LILRB1: variants seen among roughly 807,000 people sequenced by gnomAD.
LILRB1 encodes leukocyte immunoglobulin-like receptor subfamily B member 1.
Under a neutral mutation model 74.6 loss-of-function variants are expected in LILRB1, and 59 were observed. The observed-to-expected ratio is 0.79, with a 90% confidence interval of 0.64 to 0.98. LILRB1 has a LOEUF of 0.98. Among genes scored for constraint, LILRB1 ranks in the 50% least tolerant of loss-of-function variants. LILRB1 has a pLI of 0.00. For missense variants in LILRB1, 804 were observed against 822.6 expected (o/e 0.98, Z 0.28); for synonymous variants, 328 against 333.9 (o/e 0.98, Z 0.19).
chr19:54,618,162 G>GA (rs34568782), intron 1 of LILRB1, among the ~76,000 whole-genome samples: 4 of 148,974 alleles, frequency 2.7e-5, no homozygotes, highest in African/African-American at 7.4e-5. Context: ...GTTTGAGATA[G>GA]AAAAAAAAGA....
chr19:54,633,458 G>A, intron 7 of LILRB1, 140 bp downstream of exon 7: 1 of 1,312,132 alleles, frequency 7.6e-7, no homozygotes, highest in Non-Finnish European at 1.0e-6. Flanking sequence ...GAGGGAAGGA[G>A]GAGAACAGGG....
chr19:54,625,053 A>G (rs140667733), intron 1 of LILRB1, among the ~76,000 whole-genome samples: 24,622 of 122,756 alleles, frequency 0.2, 3,106 homozygotes, highest in Middle Eastern at 0.32. Context: ...GGGACACGTG[A>G]AAGTGCCAGG....
rs563817825 is a variant in LILRB1 at position 54,630,564 on chromosome 19, T to C, written c.-118T>C. 3 of 622,898 alleles carry C rather than the reference T, an allele frequency of 4.8e-6. No individual in the cohort carries two copies. Among genetic ancestry groups the C allele is most frequent in the Admixed American group, 2.2e-5 (1 of 44,826 alleles). 38.6% of individuals were successfully genotyped at this position (622,898 alleles called of 1,614,324 possible). A position where few individuals can be genotyped will look rare whatever the true frequency, so the allele number is the denominator to read the frequency against. On this transcript the variant is annotated 5_prime_UTR_variant, in exon 1 of 15. The change abolishes the stop of an existing upstream ORF in the 5' untranslated region. Transcript: ENST00000324602. ...GATGCGAGATGCGTCTCTGCTGATC[T>C]GAGTCTGCCTGCAGCATGGACCTGG...
At position 54,637,628 on chromosome 19, in the gene LILRB1, A is replaced by G. The variant is rs890430864; in HGVS notation, c.*750A>G. 6.6e-6 allele frequency: 1 copy of G among 152,204 alleles called. No homozygotes were observed. Among genetic ancestry groups the G allele is most frequent in the African/African-American group, 2.4e-5 (1 of 41,458 alleles). The allele number at this position is 152,204 out of a possible 1,614,324, so 9.4% of individuals were successfully genotyped here. A position where few individuals can be genotyped will look rare whatever the true frequency, so the allele number is the denominator to read the frequency against. On this transcript the variant is annotated 3_prime_UTR_variant, in exon 15 of 15. Transcript: ENST00000324602. ...CGTAAGAAAGGGAATAATAACAATA[A>G]TAAGAGGAGTTGTTCATGAGGAAAA...
chr19:54,617,664 T>G (rs2063345677), intron 1 of LILRB1, among the ~76,000 whole-genome samples: 1 of 152,022 alleles, frequency 6.6e-6, no homozygotes, highest in African/African-American at 2.4e-5. Flanking sequence ...CCCATTTTAA[T>G]TTCCCTCTAA....
chr19:54,618,927 A>G (rs964771775), intron 1 of LILRB1, among the ~76,000 whole-genome samples: 10 of 152,192 alleles, frequency 6.6e-5, no homozygotes, highest in African/African-American at 2.2e-4. Flanking sequence ...ATAAATGCCT[A>G]TAAACAAACT....
intron 12 of LILRB1, 111 bp downstream of exon 12, chr19:54,635,407 T>C (rs2146293737): frequency 6.5e-7 from 1 of 1,532,558 alleles, no homozygotes; most frequent in Middle Eastern, 1.9e-4. Context: ...CAGGGTGAGA[T>C]CATCTCACCC....
chr19:54,628,003 A>G (rs73614629), upstream of LILRB1, among the ~76,000 whole-genome samples: 1,026 of 152,338 alleles, frequency 6.7e-3, 9 homozygotes, highest in African/African-American at 0.023. Flanking sequence ...TACACAAAAC[A>G]AAAGAGACAG....
chr19:54,635,318 C>T (rs774938785), intron 12 of LILRB1, 22 bp downstream of exon 12: 1 of 1,612,862 alleles, frequency 6.2e-7, no homozygotes, highest in South Asian at 1.1e-5. Context: ...GAAGAGGTGA[C>T]CAGCCAGGAG....
In LILRB1 at chr19:54,632,523, A is replaced by T; in HGVS notation, c.721A>T (p.Thr241Ser). ...QPGPIVAPEE[T>S]LTLQCGSDAG... ...AGGTCCTATCGTGGCCCCTGAGGAG[A>T]CCCTGACTCTGCAGTGTGGCTCTGA... is the stretch of plus-strand genomic sequence containing the variant. Residue 241 changes from threonine to serine, a missense_variant, in exon 6 of 15, where the codon ACC (threonine) becomes TCC (serine). Physicochemically the swap from Thr to Ser is moderately conservative, Grantham distance 58 (BLOSUM62 1). Transcript: ENST00000324602. 6.2e-7 allele frequency: 1 copy of T among 1,613,908 alleles called. No individual in the cohort carries two copies. The highest frequency in any genetic ancestry group is 8.5e-7 in the Non-Finnish European group (1 of 1,179,944).
rs559300437 is a variant in LILRB1, at chr19:54,635,706, C to T, written c.1653+97C>T. 1.5e-4 allele frequency: 205 copies of T among 1,384,630 alleles called. No homozygotes were observed. The East Asian group carries it at 2.3e-3, about 16-fold the overall frequency. 85.8% of individuals were successfully genotyped at this position (1,384,630 alleles called of 1,614,324 possible). A position where few individuals can be genotyped will look rare whatever the true frequency, so the allele number is the denominator to read the frequency against. On this transcript the variant is annotated intron_variant, in intron 13 of 14. Transcript: ENST00000324602. Reference sequence around the variant, plus strand: ...TCCTCCTTCCCCCGGCTCTCAGCATCGTCACGGTGGACCCCTCCTTGTCCA... The same window carrying T: ...TCCTCCTTCCCCCGGCTCTCAGCATTGTCACGGTGGACCCCTCCTTGTCCA...
upstream of LILRB1, among the ~76,000 whole-genome samples, chr19:54,629,374 G>A (rs1332868850): frequency 6.6e-6 from 1 of 152,166 alleles, no homozygotes; most frequent in African/African-American, 2.4e-5. Flanking sequence ...TTAAGTTAAA[G>A]CTTCGGGTAG....
chr19:54,622,656 A>C (rs767084823), intron 1 of LILRB1, among the ~76,000 whole-genome samples: 1 of 152,118 alleles, frequency 6.6e-6, no homozygotes, highest in Non-Finnish European at 1.5e-5. Context: ...ATGTGGATGC[A>C]CTTTCTTTCT....
chr19:54,623,002 TG>T (rs771983049), intron 1 of LILRB1, among the ~76,000 whole-genome samples: 29 of 152,222 alleles, frequency 1.9e-4, no homozygotes, highest in Non-Finnish European at 2.9e-4. Flanking sequence ...CTTTCATCCC[TG>T]GAATCAAGCC....
chr19:54,629,402 T>G (rs1296925796), upstream of LILRB1, among the ~76,000 whole-genome samples: 1 of 152,242 alleles, frequency 6.6e-6, no homozygotes, highest in African/African-American at 2.4e-5. Context: ...AGTGTCTCCT[T>G]GTCCATCTGA....
exon 1 of LILRB1, chr19:54,617,347 A>C (rs765105852): frequency 3.9e-5 from 6 of 152,148 alleles, no homozygotes; most frequent in Non-Finnish European, 8.8e-5. Flanking sequence ...CATTTACATC[A>C]AGGTAAGAGA....
chr19:54,620,042 A>G (rs2063414603), intron 1 of LILRB1, among the ~76,000 whole-genome samples: 1 of 151,136 alleles, frequency 6.6e-6, no homozygotes, highest in Admixed American at 6.6e-5. Flanking sequence ...AAACACAAGG[A>G]TATAGGTTTT....
intron 1 of LILRB1, among the ~76,000 whole-genome samples, chr19:54,617,892 A>G (rs1193793759): frequency 6.6e-6 from 1 of 151,974 alleles, no homozygotes; most frequent in African/African-American, 2.4e-5. Flanking sequence ...ATGTGAGATC[A>G]GGAGTTCAAG....
At chr19:54,633,801 G>C (rs1266424755) in intron 8 of LILRB1, 113 bp downstream of exon 8, 2 of 1,469,996 alleles carry the variant, frequency 1.4e-6, no homozygotes, top group South Asian at 2.6e-5. Flanking sequence ...CCAGGGAGCC[G>C]GGCAGAGCCA....
Sources: gnomAD v4.1 joint callset for allele counts (sites outside exome capture counted in the v4.1 genomes callset) on GRCh38, gnomAD v4.1.1 for gene constraint, MANE v1.5 for transcripts, NCBI Gene and HGNC (gene_info 2026-07-23, HGNC 2026-07-21) for gene names.